The following METAP1 variants were observed in gnomAD, a reference collection of about 807,000 sequenced individuals.
METAP1 encodes the protein methionyl aminopeptidase 1, also known as methionine aminopeptidase 1.
Under a neutral mutation model 53.8 loss-of-function variants are expected in METAP1, and 28 were observed. The observed-to-expected ratio is 0.52, with a 90% confidence interval of 0.39 to 0.71. The LOEUF is 0.71. Among genes scored for constraint, METAP1 ranks in the 30% least tolerant of loss-of-function variants. The pLI is 0.00. For missense variants in METAP1, 389 were observed against 479.8 expected, an observed-to-expected ratio of 0.81 and a Z score of 1.77; for synonymous variants, 181 against 165.7, an observed-to-expected ratio of 1.09 and a Z score of -0.71.
Position 99,022,945 on chromosome 4 carries a change from C to T in METAP1, c.115-5922C>T, listed in dbSNP as rs899384638. ...CTCACCATAGGCACTGAGAAGGTTG[C>T]GGACATGTAGGGGCTGGAAGTGTGG... On this transcript the variant is annotated intron_variant, in intron 1 of 10. Transcript: ENST00000296411. The T allele has an allele frequency of 8.7e-6, 13 of 1,496,928 alleles. No individual in the cohort carries two copies. The East Asian group carries it at 1.3e-4, about 15-fold the overall frequency. The allele number at this position is 1,496,928 out of a possible 1,614,324, so 92.7% of individuals were successfully genotyped here.
At position 99,023,114 on chromosome 4, in the gene METAP1, C is replaced by T. The variant is rs1417361400; in HGVS notation, c.115-5753C>T. 2.9e-5 allele frequency: 29 copies of T among 1,011,240 alleles called. No individual in the cohort carries two copies. In the South Asian group the frequency reaches 3.3e-4, roughly 12 times the overall value. 62.6% of individuals were successfully genotyped at this position (1,011,240 alleles called of 1,614,324 possible). A position where few individuals can be genotyped will look rare whatever the true frequency, so the allele number is the denominator to read the frequency against. ...GCCTTTGCTCTGTTGCGGCCTTCTC[C>T]GATTCCTCTGCCTCCGTGTTGACTG... is the stretch of plus-strand genomic sequence containing the variant. On this transcript the variant is annotated intron_variant, in intron 1 of 10. Coordinates refer to ENST00000296411, the MANE Select transcript of METAP1 (RefSeq NM_015143.3).
At chr4:99,040,357 A>T (rs1725767590) in intron 5 of METAP1, among the ~76,000 whole-genome samples, 1 of 152,122 alleles carries the variant, frequency 6.6e-6, no homozygotes, top group Non-Finnish European at 1.5e-5. Context: ...TTTAAGTAAG[A>T]TTCTTAAGGT....
At chr4:99,056,178 G>C (rs1357617835) in intron 9 of METAP1, among the ~76,000 whole-genome samples, 2 of 152,226 alleles carry the variant, frequency 1.3e-5, no homozygotes, top group Non-Finnish European at 2.9e-5. Flanking sequence ...CAAAGTTGCA[G>C]ATCAGAACAA....
intron 1 of METAP1, chr4:99,026,570 A>G (rs1210079464): frequency 9.1e-6 from 9 of 985,292 alleles, no homozygotes; most frequent in Non-Finnish European, 2.4e-6. Context: ...AATCTAGGTT[A>G]GTTAGGTCTT....
At chr4:99,022,720 G>C in intron 1 of METAP1, 3 of 1,538,626 alleles carry the variant, frequency 1.9e-6, no homozygotes, top group Non-Finnish European at 2.7e-6. Flanking sequence ...GGTCATAATG[G>C]GAGGGGCTGC....
intron 1 of METAP1, among the ~76,000 whole-genome samples, chr4:99,007,092 G>A (rs996099675): frequency 6.6e-6 from 1 of 151,912 alleles, no homozygotes; most frequent in Non-Finnish European, 1.5e-5. Flanking sequence ...TGAGTAGCTG[G>A]GACCATAGGC....
At chr4:98,995,944 C>T in intron 1 of METAP1, 77 bp downstream of exon 1, 1 of 1,214,766 alleles carries the variant, frequency 8.2e-7, no homozygotes, top group East Asian at 2.8e-5. Context: ...CTCCTCCCGC[C>T]CTTGCGGCGA....
intron 1 of METAP1, among the ~76,000 whole-genome samples, chr4:99,002,659 G>C (rs1722977971): frequency 6.6e-6 from 1 of 152,176 alleles, no homozygotes; most frequent in Non-Finnish European, 1.5e-5. Context: ...CTCATGCTTT[G>C]TAAGTTGTAA....
chr4:99,033,399 CTACT>C (rs1454890322), intron 2 of METAP1, among the ~76,000 whole-genome samples: 1 of 152,054 alleles, frequency 6.6e-6, no homozygotes, highest in Non-Finnish European at 1.5e-5. Flanking sequence ...TGTATTCCGG[CTACT>C]TAAAGTCTTA....
chr4:99,039,260 A>G, intron 4 of METAP1, 114 bp from the exon 5 acceptor site: 1 of 597,742 alleles, frequency 1.7e-6, no homozygotes, highest in Non-Finnish European at 2.9e-6. Context: ...ATCATGAATT[A>G]CTGTTGTGTG....
At chr4:99,038,950 T>G (rs1202012513) in intron 4 of METAP1, among the ~76,000 whole-genome samples, 1 of 152,198 alleles carries the variant, frequency 6.6e-6, no homozygotes, top group Non-Finnish European at 1.5e-5. Context: ...TGAAAAACAC[T>G]TAACTTTGGT....
intron 8 of METAP1, among the ~76,000 whole-genome samples, chr4:99,045,692 CTT>C (rs1198843147): frequency 6.6e-6 from 1 of 152,114 alleles, no homozygotes; most frequent in Non-Finnish European, 1.5e-5. Flanking sequence ...TGTGATCCTC[CTT>C]TACACTTGCC....
chr4:99,058,882 G>A (rs1250395737), intron 10 of METAP1, among the ~76,000 whole-genome samples: 1 of 152,150 alleles, frequency 6.6e-6, no homozygotes, highest in Admixed American at 6.5e-5. Flanking sequence ...CAACACCCAG[G>A]GCTGCTAGAC....
chr4:99,027,544 A>AC (rs35716602), intron 1 of METAP1, among the ~76,000 whole-genome samples: 14,311 of 136,662 alleles, frequency 0.1, 787 homozygotes, highest in African/African-American at 0.17. Context: ...ACAAGAGGTC[A>AC]CCCCCCCCCC....
intron 7 of METAP1, among the ~76,000 whole-genome samples, chr4:99,043,654 T>C (rs1463445674): frequency 1.3e-5 from 2 of 152,212 alleles, no homozygotes; most frequent in African/African-American, 2.4e-5. Context: ...AGGTCAAAGA[T>C]GTCAGTGAAA....
At chr4:99,004,247 G>A (rs1723058029) in intron 1 of METAP1, among the ~76,000 whole-genome samples, 1 of 152,088 alleles carries the variant, frequency 6.6e-6, no homozygotes, top group Admixed American at 6.5e-5. Context: ...GGGTATATGG[G>A]GTGGGACCCT....
chr4:99,022,635 ACACCT>A (rs1197766720), intron 1 of METAP1: 2 of 859,988 alleles, frequency 2.3e-6, no homozygotes, highest in Admixed American at 2.1e-5. Flanking sequence ...GCCTGTGTGC[ACACCT>A]GGCGCTCAAA....
intron 1 of METAP1, among the ~76,000 whole-genome samples, chr4:99,009,516 C>T (rs72908969): frequency 0.022 from 3,283 of 152,250 alleles, 100 homozygotes; most frequent in African/African-American, 0.073. Flanking sequence ...TCCATATCCC[C>T]ACCAACATTT....
At chr4:99,005,170 AAAT>A (rs528328330) in intron 1 of METAP1, among the ~76,000 whole-genome samples, 38 of 152,170 alleles carry the variant, frequency 2.5e-4, no homozygotes, top group Non-Finnish European at 2.9e-4. Context: ...TGCACAGCAA[AAAT>A]AATAATAATA....
Sources: allele counts gnomAD v4.1 joint callset (sites outside exome capture counted in the v4.1 genomes callset), GRCh38; gene constraint gnomAD v4.1.1; transcripts MANE v1.5; gene names NCBI Gene and HGNC (gene_info 2026-07-23, HGNC 2026-07-21).